The following CORO2B variants were observed in gnomAD, a reference collection of about 807,000 sequenced individuals.
The protein encoded by CORO2B is coronin-2B.
Under a neutral mutation model 58.8 loss-of-function variants are expected in CORO2B, and 26 were observed. That is an observed-to-expected ratio of 0.44 (90% CI 0.32 to 0.61). The LOEUF (loss-of-function observed/expected upper bound fraction) is 0.61, where lower values mean the gene tolerates loss of function less well. Among genes scored for constraint, CORO2B ranks in the 20% least tolerant of loss-of-function variants. CORO2B has a pLI of 0.04. For synonymous variants in CORO2B, 242 were observed against 253.8 expected (o/e 0.95, Z 0.44); for missense variants, 460 against 645.1 (o/e 0.71, Z 3.11).
At chr15:68,709,151 T>C (rs930422611) in intron 3 of CORO2B, among the ~76,000 whole-genome samples, 1 of 152,218 alleles carries the variant, frequency 6.6e-6, no homozygotes, top group Non-Finnish European at 1.5e-5. Context: ...TCTTCATGCA[T>C]GGAGATTTTT....
intron 1 of CORO2B, among the ~76,000 whole-genome samples, chr15:68,623,956 C>G (rs1411859218): frequency 6.6e-6 from 1 of 152,108 alleles, no homozygotes; most frequent in African/African-American, 2.4e-5. Flanking sequence ...TGCTCTCTGC[C>G]CAGCCCTCCT....
intron 1 of CORO2B, among the ~76,000 whole-genome samples, chr15:68,584,343 C>G (rs1319256218): frequency 6.6e-6 from 1 of 152,208 alleles, no homozygotes; most frequent in Non-Finnish European, 1.5e-5. Context: ...CCCCGAGGCA[C>G]TGCCACCTTG....
intron 1 of CORO2B, among the ~76,000 whole-genome samples, chr15:68,585,990 C>T (rs184547570): frequency 6.6e-6 from 1 of 152,266 alleles, no homozygotes; most frequent in Non-Finnish European, 1.5e-5. Context: ...GGCCTGCAGC[C>T]CTTACGAAGC....
chr15:68,673,591 A>C (rs1174179861), intron 2 of CORO2B, among the ~76,000 whole-genome samples: 1 of 152,074 alleles, frequency 6.6e-6, no homozygotes, highest in Non-Finnish European at 1.5e-5. Flanking sequence ...TAATCCCAGC[A>C]CTTTAGGAGG....
At chr15:68,636,124 C>T (rs1044966926) in intron 1 of CORO2B, among the ~76,000 whole-genome samples, 23 of 152,100 alleles carry the variant, frequency 1.5e-4, no homozygotes, top group Admixed American at 5.2e-4. Context: ...TTTAAGGATG[C>T]AGGATATAAT....
At chr15:68,582,417 A>T (rs1166215545) in intron 1 of CORO2B, among the ~76,000 whole-genome samples, 1 of 152,222 alleles carries the variant, frequency 6.6e-6, no homozygotes, top group Non-Finnish European at 1.5e-5. Context: ...GCCTCCTCTC[A>T]GTCCAACGTG....
chr15:68,581,278 G>T (rs1899419254), intron 1 of CORO2B, among the ~76,000 whole-genome samples: 1 of 152,106 alleles, frequency 6.6e-6, no homozygotes, highest in African/African-American at 2.4e-5. Flanking sequence ...TGTGGCTTTG[G>T]CTTAAGCAAG....
intron 2 of CORO2B, among the ~76,000 whole-genome samples, chr15:68,685,505 C>T (rs1902936726): frequency 6.6e-6 from 1 of 152,198 alleles, no homozygotes; most frequent in South Asian, 2.1e-4. Flanking sequence ...AGCCACCGTG[C>T]CCAGCTGATA....
At chr15:68,554,926 T>A in the CORO2B span, among the ~76,000 whole-genome samples, 1 of 152,086 alleles carries the variant, frequency 6.6e-6, no homozygotes, top group Non-Finnish European at 1.5e-5. Context: ...CCTGTCTGAC[T>A]CCAAAACTTA....
rs1314209013 is a variant in CORO2B, at chr15:68,715,297, C to T, written c.953C>T (p.Pro318Leu). 4 of 1,613,946 alleles carry T rather than the reference C, an allele frequency of 2.5e-6. No homozygotes were observed. The highest frequency in any genetic ancestry group is 2.5e-6 in the Non-Finnish European group (3 of 1,179,908). ...CTCATGGAGTTCCGCTCCCCAGCCC[C>T]GCAGAAAGGCCTAGGTAAGTGGCCC... ...SYLMEFRSPA[P>L]QKGLGVMPKH... Residue 318 changes from proline to leucine, a missense_variant, in exon 8 of 12, where the codon CCG becomes CTG. Physicochemically the swap from Pro to Leu is moderately conservative, Grantham distance 98 (BLOSUM62 -3). Transcript: ENST00000261861.
chr15:68,581,194 T>C (rs1276104980), intron 1 of CORO2B, among the ~76,000 whole-genome samples: 1 of 152,154 alleles, frequency 6.6e-6, no homozygotes, highest in Non-Finnish European at 1.5e-5. Flanking sequence ...ATCCAGTAAC[T>C]ATTCAACACT....
At chr15:68,680,484 A>G (rs1902744259) in intron 2 of CORO2B, among the ~76,000 whole-genome samples, 1 of 152,228 alleles carries the variant, frequency 6.6e-6, no homozygotes, top group Non-Finnish European at 1.5e-5. Context: ...GCTCTGCACC[A>G]TGCAAATGGT....
At chr15:68,559,718 A>G in the CORO2B span, 1 of 849,380 alleles carries the variant, frequency 1.2e-6, no homozygotes, top group Admixed American at 6.2e-5. This position sits in a 1 kb window ranked among gnomAD's most constrained non-coding sequence, Gnocchi z 4.3. Flanking sequence ...TCCCAGGGGG[A>G]CTGTCGGTGA....
intron 1 of CORO2B, among the ~76,000 whole-genome samples, chr15:68,600,962 A>G (rs1417448927): frequency 1.3e-5 from 2 of 152,128 alleles, no homozygotes; most frequent in Non-Finnish European, 2.9e-5. Flanking sequence ...AGAGAGAGGA[A>G]TGAGTAGGGA....
intron 8 of CORO2B, 102 bp from the exon 9 acceptor site, chr15:68,718,596 A>G: frequency 1.3e-5 from 13 of 1,023,558 alleles, no homozygotes; most frequent in Non-Finnish European, 1.8e-5. Flanking sequence ...TCCAAACCTA[A>G]GTACATTCCT....
intron 5 of CORO2B, among the ~76,000 whole-genome samples, chr15:68,713,596 G>T (rs1036978722): frequency 2.0e-5 from 3 of 152,170 alleles, no homozygotes; most frequent in Non-Finnish European, 4.4e-5. Flanking sequence ...CTCTTCTGGG[G>T]GTTGCCGGCT....
At chr15:68,600,904 C>T (rs1469476229) in intron 1 of CORO2B, among the ~76,000 whole-genome samples, 1 of 152,160 alleles carries the variant, frequency 6.6e-6, no homozygotes, top group East Asian at 1.9e-4. Context: ...AACCACAACA[C>T]CACCTTCCCG....
At chr15:68,566,755 C>T in the CORO2B span, among the ~76,000 whole-genome samples, 1 of 152,184 alleles carries the variant, frequency 6.6e-6, no homozygotes, top group East Asian at 1.9e-4. Flanking sequence ...CCTGTATATC[C>T]AGGCACCCTT....
intron 2 of CORO2B, among the ~76,000 whole-genome samples, chr15:68,658,156 C>A (rs1211684522): frequency 6.6e-6 from 1 of 152,256 alleles, no homozygotes; most frequent in Non-Finnish European, 1.5e-5. Flanking sequence ...CGTTGTCCTC[C>A]AAGGTCTCGC....
Sources: allele counts gnomAD v4.1 joint callset (sites outside exome capture counted in the v4.1 genomes callset), GRCh38; gene constraint gnomAD v4.1.1; non-coding constraint Gnocchi (gnomAD v3.1); transcripts MANE v1.5; gene names NCBI Gene and HGNC (gene_info 2026-07-23, HGNC 2026-07-21).